NDC1: variants seen among roughly 807,000 people sequenced by gnomAD.
NDC1 encodes the protein nucleoporin NDC1.
Under a neutral mutation model 89.8 loss-of-function variants are expected in NDC1, and 24 were observed. The ratio of observed to expected loss-of-function variants is 0.27; its 90% CI spans 0.19 to 0.38. The LOEUF (loss-of-function observed/expected upper bound fraction) is 0.38. Among genes scored for constraint, NDC1 ranks in the 10% least tolerant of loss-of-function variants. The probability of loss-of-function intolerance (pLI) is 1.00; values close to 1 mark genes in which losing one functional copy is unlikely to be tolerated. For missense variants in NDC1, 728 were observed against 797.6 expected (o/e 0.91, Z 1.05); for synonymous variants, 296 against 284.8 (o/e 1.04, Z -0.39).
intron 13 of NDC1, among the ~76,000 whole-genome samples, chr1:53,795,589 A>T (rs1173570933): frequency 1.3e-5 from 2 of 152,078 alleles, no homozygotes; most frequent in Admixed American, 1.3e-4. Context: ...GTGAACACTG[A>T]CTCTTTCTAG....
intron 11 of NDC1, among the ~76,000 whole-genome samples, chr1:53,800,130 C>A (rs1226795895): frequency 6.6e-6 from 1 of 152,090 alleles, no homozygotes. Context: ...CCACACTGAA[C>A]TTAATTTGTT....
Position 53,835,514 on chromosome 1 carries a change from A to G in NDC1, c.164T>C (p.Ile55Thr). Reference sequence around the variant, plus strand: ...GTATCACCTACCAGACAGCCACTGTATAGGATGAAACAAATCAATCCTGCT... The same window carrying G: ...GTATCACCTACCAGACAGCCACTGTGTAGGATGAAACAAATCAATCCTGCT... ...IFSRIDLFHP[I>T]QWLSDSFSDL... Residue 55 changes from isoleucine (I) to threonine (T), a missense_variant, in exon 2 of 18, where the codon ATA becomes ACA. Transcript: ENST00000371429. 2 of 1,613,188 alleles carry G rather than the reference A, an allele frequency of 1.2e-6. No homozygotes were observed. The highest frequency in any genetic ancestry group is 2.2e-5 in the South Asian group (2 of 90,860).
At chr1:53,790,781 C>T (rs1647470584) in intron 14 of NDC1, among the ~76,000 whole-genome samples, 1 of 152,196 alleles carries the variant, frequency 6.6e-6, no homozygotes. Flanking sequence ...TGTCTACCCT[C>T]AACCCCACTC....
chr1:53,792,095 ACTG>A (rs1191502113), intron 14 of NDC1, among the ~76,000 whole-genome samples: 8 of 151,622 alleles, frequency 5.3e-5, no homozygotes, highest in Non-Finnish European at 1.0e-4. Flanking sequence ...GGCGCCCACC[ACTG>A]CGCCTGGCTA....
chr1:53,787,469 T>C (rs933587819), intron 15 of NDC1, among the ~76,000 whole-genome samples: 1 of 151,480 alleles, frequency 6.6e-6, no homozygotes, highest in African/African-American at 2.4e-5. Context: ...GGCAACATGG[T>C]GAAACCCCCT....
rs553039576 is a variant in NDC1, at chr1:53,803,817, T to C, written c.1066+111A>G. Reference sequence around the variant, plus strand: ...TGATCTCCTGACCTCATGATCCGCCTGCCTCGGCCTCCCAAAGTGCTGGGA... The same window carrying C: ...TGATCTCCTGACCTCATGATCCGCCCGCCTCGGCCTCCCAAAGTGCTGGGA... On this transcript the variant is annotated intron_variant, in intron 10 of 17. Transcript: ENST00000371429. 7.4e-4 allele frequency: 555 copies of C among 748,742 alleles called. 1 individual carries two copies. Among genetic ancestry groups the C allele is most frequent in the East Asian group, 6.4e-3 (239 of 37,226 alleles). The allele number at this position is 748,742 out of a possible 1,614,324, so 46.4% of individuals were successfully genotyped here.
intron 1 of NDC1, among the ~76,000 whole-genome samples, chr1:53,836,952 T>A (rs1410192362): frequency 6.6e-6 from 1 of 152,176 alleles, no homozygotes; most frequent in Non-Finnish European, 1.5e-5. Flanking sequence ...ATAGATAAAT[T>A]GGACATCAGC....
chr1:53,787,581 G>C (rs1436087459), intron 15 of NDC1, among the ~76,000 whole-genome samples: 1 of 151,798 alleles, frequency 6.6e-6, no homozygotes, highest in Non-Finnish European at 1.5e-5. Flanking sequence ...AGAGGTTGAA[G>C]TTAGCCAAGA....
intron 11 of NDC1, among the ~76,000 whole-genome samples, chr1:53,799,156 G>A (rs1003299941): frequency 6.6e-6 from 1 of 152,070 alleles, no homozygotes; most frequent in East Asian, 1.9e-4. Flanking sequence ...TTTTTTTGTT[G>A]CAAACAAGGC....
chr1:53,781,925 T>C (rs1647212025), intron 16 of NDC1, among the ~76,000 whole-genome samples: 1 of 152,084 alleles, frequency 6.6e-6, no homozygotes, highest in Non-Finnish European at 1.5e-5. Context: ...CCAGCAGCCA[T>C]CCAACAAGCA....
chr1:53,828,820 C>T (rs1190985095), intron 3 of NDC1, among the ~76,000 whole-genome samples: 1 of 151,948 alleles, frequency 6.6e-6, no homozygotes, highest in East Asian at 1.9e-4. Context: ...CCATGTTGGT[C>T]AGGCTGGTCT....
At chr1:53,787,711 C>A (rs1202209405) in intron 15 of NDC1, among the ~76,000 whole-genome samples, 1 of 147,784 alleles carries the variant, frequency 6.8e-6, no homozygotes, top group African/African-American at 2.5e-5. Context: ...AGGAGCAATT[C>A]AATAGAAAAA....
In NDC1 at chr1:53,820,701, C is replaced by CTTTT. The variant is rs927514677; in HGVS notation, c.595-1626_595-1623dup. On this transcript the variant is annotated intron_variant, in intron 5 of 17. Transcript: ENST00000371429. Reference sequence around the variant, plus strand: ...AAAAATAAAAGATGTACTTCTCTCTCTTTTTTTTTTTTTTTTTTTTTTTTT... The same window carrying CTTTT: ...AAAAATAAAAGATGTACTTCTCTCTCTTTTTTTTTTTTTTTTTTTTTTTTTTTTT... 1.2e-3 allele frequency among the ~76,000 whole-genome samples: 91 copies of CTTTT among 74,880 alleles called. 2 individuals are homozygous for CTTTT. The highest frequency in any genetic ancestry group is 2.4e-3 in the African/African-American group (43 of 17,842). 49.1% of individuals were successfully genotyped at this position (74,880 alleles called of 152,430 possible).
At chr1:53,768,107 G>T in intron 17 of NDC1, 74 bp from the exon 18 acceptor site, 1 of 887,398 alleles carries the variant, frequency 1.1e-6, no homozygotes, top group Non-Finnish European at 1.7e-6. Context: ...AGAGCACAGA[G>T]ACAATATTTT....
intron 14 of NDC1, 60 bp from the exon 15 acceptor site, chr1:53,789,256 C>T (rs1647406889): frequency 8.4e-6 from 9 of 1,075,214 alleles, no homozygotes; most frequent in South Asian, 1.4e-5. Flanking sequence ...CCATTATTTC[C>T]TTTAATTAAA....
intron 6 of NDC1, among the ~76,000 whole-genome samples, chr1:53,810,085 T>A (rs1231646402): frequency 6.6e-6 from 1 of 152,248 alleles, no homozygotes; most frequent in Non-Finnish European, 1.5e-5. Flanking sequence ...AATATGTAGA[T>A]AACCGATGTG....
intron 15 of NDC1, among the ~76,000 whole-genome samples, chr1:53,788,332 A>C (rs1647373137): frequency 6.6e-6 from 1 of 151,650 alleles, no homozygotes; most frequent in African/African-American, 2.4e-5. Context: ...GTGGTGGCTC[A>C]CACCTGTAAT....
At chr1:53,801,732 T>C (rs1226925734) in intron 10 of NDC1, among the ~76,000 whole-genome samples, 2 of 152,166 alleles carry the variant, frequency 1.3e-5, no homozygotes, top group African/African-American at 4.8e-5. Context: ...TTTGGGTACA[T>C]GAGGAACTGT....
intron 17 of NDC1, among the ~76,000 whole-genome samples, chr1:53,770,214 G>T (rs927528013): frequency 6.6e-6 from 1 of 151,020 alleles, no homozygotes; most frequent in Non-Finnish European, 1.5e-5. Flanking sequence ...TATTTTTGAG[G>T]CAGGGTCTCG....
Sources: gnomAD v4.1 joint callset for allele counts (sites outside exome capture counted in the v4.1 genomes callset) on GRCh38, gnomAD v4.1.1 for gene constraint, MANE v1.5 for transcripts, NCBI Gene and HGNC (gene_info 2026-07-23, HGNC 2026-07-21) for gene names.